XRCC4: variants seen among roughly 807,000 people sequenced by gnomAD.
The protein encoded by XRCC4 is DNA repair protein XRCC4.
XRCC4 carries 28 observed loss-of-function variants against 39.1 expected under a neutral mutation model. The ratio of observed to expected loss-of-function variants is 0.72; its 90% CI spans 0.53 to 0.98. XRCC4 has a LOEUF of 0.98. Ranked by LOEUF, XRCC4 falls within the 50% of genes least tolerant of loss-of-function variation. The pLI is 0.00. For missense variants in XRCC4, 350 were observed against 376.4 expected (o/e 0.93, Z 0.58); for synonymous variants, 123 against 126.4 (o/e 0.97, Z 0.18).
chr5:83,311,175 C>G, intron 7 of XRCC4: 1 of 175,486 alleles, frequency 5.7e-6, no homozygotes. Flanking sequence ...TCTAGCAGGC[C>G]GGTGAGAGTG....
chr5:83,359,263 T>C, the XRCC4 span, among the ~76,000 whole-genome samples: 70 of 152,092 alleles, frequency 4.6e-4, 3 homozygotes, highest in Admixed American at 1.3e-4. Flanking sequence ...CTGCTATTGA[T>C]ATAGGGCTCA....
At chr5:83,330,250 G>A (rs1000395474) in intron 7 of XRCC4, among the ~76,000 whole-genome samples, 7 of 151,934 alleles carry the variant, frequency 4.6e-5, no homozygotes, top group African/African-American at 1.2e-4. Flanking sequence ...TATGACCCAG[G>A]AATTCATACT....
At chr5:83,130,489 G>T (rs1272536249) in intron 3 of XRCC4, among the ~76,000 whole-genome samples, 2 of 152,162 alleles carry the variant, frequency 1.3e-5, no homozygotes, top group Non-Finnish European at 2.9e-5. Flanking sequence ...CTCATAAAAT[G>T]AGTTAGGGAG....
intron 6 of XRCC4, among the ~76,000 whole-genome samples, chr5:83,249,781 A>G (rs182839359): frequency 1.4e-3 from 214 of 152,288 alleles, no homozygotes; most frequent in African/African-American, 4.9e-3. Context: ...CTTACTAGTC[A>G]AGCTAGTGAT....
At chr5:83,228,688 T>C (rs1026947996) in intron 6 of XRCC4, among the ~76,000 whole-genome samples, 1 of 152,054 alleles carries the variant, frequency 6.6e-6, no homozygotes, top group Non-Finnish European at 1.5e-5. Flanking sequence ...ATGTAAACCT[T>C]GGTGGTAAAT....
At chr5:83,313,239 C>T (rs886661419) in intron 7 of XRCC4, among the ~76,000 whole-genome samples, 12 of 152,076 alleles carry the variant, frequency 7.9e-5, no homozygotes, top group African/African-American at 1.4e-4. Context: ...AACTTTCTTA[C>T]GTATCCTTTA....
chr5:83,117,663 GT>G (rs1746796562), intron 3 of XRCC4, among the ~76,000 whole-genome samples: 1 of 139,206 alleles, frequency 7.2e-6, no homozygotes, highest in Non-Finnish European at 1.5e-5. Context: ...GTGTGTGTGT[GT>G]GTGTGTGTGT....
intron 7 of XRCC4, among the ~76,000 whole-genome samples, chr5:83,280,927 T>C (rs991178262): frequency 2.6e-5 from 4 of 152,192 alleles, no homozygotes; most frequent in Admixed American, 1.3e-4. Flanking sequence ...TCTCTACATA[T>C]CCTCTTTCCT....
intron 1 of XRCC4, among the ~76,000 whole-genome samples, chr5:83,080,694 G>A (rs1744898603): frequency 6.6e-6 from 1 of 152,034 alleles, no homozygotes; most frequent in Non-Finnish European, 1.5e-5. Context: ...TAGTTGCTTG[G>A]TTATCAGATT....
chr5:83,269,319 A>G (rs1168023045), intron 7 of XRCC4, among the ~76,000 whole-genome samples: 1 of 152,016 alleles, frequency 6.6e-6, no homozygotes, highest in Non-Finnish European at 1.5e-5. Context: ...CTATAGCACC[A>G]AACGAAAGAG....
intron 7 of XRCC4, among the ~76,000 whole-genome samples, chr5:83,298,778 A>G (rs1580479950): frequency 1.3e-5 from 2 of 152,102 alleles, no homozygotes; most frequent in South Asian, 4.1e-4. Context: ...TATAAAGTCA[A>G]CCAAGTACCC....
intron 6 of XRCC4, 75 bp from the exon 7 acceptor site, chr5:83,258,455 T>C (rs1310940063): frequency 6.5e-7 from 1 of 1,529,526 alleles, no homozygotes; most frequent in East Asian, 2.3e-5. Flanking sequence ...ATGTCAATGC[T>C]AAAACAGCAA....
chr5:83,092,741 A>G (rs1304512596), intron 1 of XRCC4, among the ~76,000 whole-genome samples: 2 of 152,074 alleles, frequency 1.3e-5, no homozygotes, highest in Non-Finnish European at 2.9e-5. Flanking sequence ...TGTAAGCCTC[A>G]TGGTAGCCAA....
chr5:83,221,288 C>T (rs1752074804), intron 6 of XRCC4, among the ~76,000 whole-genome samples: 1 of 152,058 alleles, frequency 6.6e-6, no homozygotes, highest in South Asian at 2.1e-4. Flanking sequence ...TTTAACTTAA[C>T]AATTCTATGA....
chr5:83,266,913 A>G (rs1408700336), intron 7 of XRCC4, among the ~76,000 whole-genome samples: 1 of 152,146 alleles, frequency 6.6e-6, no homozygotes, highest in African/African-American at 2.4e-5. Context: ...TACAGCCTCT[A>G]TCTTTGTCTT....
At chr5:83,146,397 T>A (rs1748454494) in intron 3 of XRCC4, among the ~76,000 whole-genome samples, 1 of 152,156 alleles carries the variant, frequency 6.6e-6, no homozygotes, top group African/African-American at 2.4e-5. Context: ...GTTTGTATGA[T>A]CTCATACTTA....
Position 83,344,165 on chromosome 5 carries a change from G to A in XRCC4, c.894-8966G>A, listed in dbSNP as rs140463955. Reference sequence around the variant, plus strand: ...ACACACACACACACACACACACTTCGTTGTTCAAAGAGTAATATTGCATAG... The same window carrying A: ...ACACACACACACACACACACACTTCATTGTTCAAAGAGTAATATTGCATAG... On this transcript the variant is annotated intron_variant, in intron 7 of 7. Transcript: ENST00000396027. Among the ~76,000 whole-genome samples, 11 of 138,682 alleles carry A rather than the reference G, an allele frequency of 7.9e-5. No individual in the cohort carries two copies. In the East Asian group the frequency reaches 1.2e-3, roughly 15 times the overall value. The allele number at this position is 138,682 out of a possible 152,430, so 91.0% of individuals were successfully genotyped here.
At chr5:83,248,972 A>G (rs6861619) in intron 6 of XRCC4, among the ~76,000 whole-genome samples, 3,444 of 152,268 alleles carry the variant, frequency 0.023, 119 homozygotes, top group African/African-American at 0.079. Flanking sequence ...TTTTTGACCC[A>G]ATACTAACTT....
intron 4 of XRCC4, 36 bp downstream of exon 4, chr5:83,195,972 G>C: frequency 6.5e-7 from 1 of 1,529,880 alleles, no homozygotes; most frequent in Non-Finnish European, 8.8e-7. Context: ...TAAAAATACG[G>C]AGCCCTCTTT....
Sources: allele counts gnomAD v4.1 joint callset (sites outside exome capture counted in the v4.1 genomes callset), GRCh38; gene constraint gnomAD v4.1.1; transcripts MANE v1.5; gene names NCBI Gene and HGNC (gene_info 2026-07-23, HGNC 2026-07-21).